The following MYLK3 variants were observed in gnomAD, a reference collection of about 807,000 sequenced individuals.
The protein encoded by MYLK3 is MLC kinase.
A neutral mutation model predicts 76.3 loss-of-function variants in MYLK3; 55 were observed. The observed-to-expected ratio is 0.72, with a 90% CI of 0.58 to 0.90. The LOEUF (loss-of-function observed/expected upper bound fraction) is 0.90, where lower values mean the gene tolerates loss of function less well. Among genes scored for constraint, MYLK3 ranks in the 40% least tolerant of loss-of-function variants. The pLI is 0.00. For synonymous variants in MYLK3, 416 were observed against 425.4 expected (o/e 0.98, Z 0.27); for missense variants, 973 against 1,053.6 (o/e 0.92, Z 1.06).
intron 2 of MYLK3, 80 bp downstream of exon 2, chr16:46,739,977 T>C: frequency 2.0e-6 from 2 of 998,394 alleles, no homozygotes; most frequent in Non-Finnish European, 3.1e-6. Context: ...GGAATCATAC[T>C]GTGGGCCGTG....
In MYLK3 at chr16:46,710,702, G is replaced by T. The variant is rs753941961; in HGVS notation, c.2202C>A (p.Asp734Glu). The T allele has an allele frequency of 1.9e-6, 3 of 1,614,152 alleles. No homozygotes were observed. The Admixed American group carries it at 5.0e-5, about 27-fold the overall frequency. The change falls in exon 11 of 13, where the codon GAC (aspartate) becomes GAA (glutamate). Residue 734 changes from aspartate (D) to glutamate (E), a missense_variant. Around this residue, in one of 2 missense-constraint regions of MYLK3, gnomAD observed 332 missense variants for 416.6 expected, o/e 0.80. Coordinates refer to ENST00000394809, the MANE Select transcript of MYLK3 (RefSeq NM_182493.3). ...CCTCCTCCGAGAGCCCTTCAAAGGT[G>T]TCAGCATCAAAATCCCAGCTACAGT... ...IVNCSWDFDA[D>E]TFEGLSEEAK...
intron 5 of MYLK3, 186 bp from the exon 6 acceptor site, chr16:46,729,873 C>G (rs1292679462): frequency 3.5e-5 from 22 of 619,804 alleles, no homozygotes; most frequent in Non-Finnish European, 6.1e-5. Flanking sequence ...CTCTTCACCC[C>G]ACACCACCCA....
chr16:46,731,326 G>C (rs1305436946), intron 4 of MYLK3, among the ~76,000 whole-genome samples: 1 of 152,216 alleles, frequency 6.6e-6, no homozygotes, highest in Non-Finnish European at 1.5e-5. Flanking sequence ...TTGTTTGTTT[G>C]TTTTTTAATG....
Position 46,732,337 on chromosome 16 carries a change from G to A in MYLK3, c.1333C>T (p.Leu445=), listed in dbSNP as rs1025252879. The part of the protein sequence containing the change: ...DNDHEVGALG[L]QQGKSPGAGN... Reference sequence around the variant, plus strand: ...GCCCCTGGGCTTTTGCCCTGCTGCAGGCCCAGGGCCCCAACCTCGTGGTCA... The same window carrying A: ...GCCCCTGGGCTTTTGCCCTGCTGCAAGCCCAGGGCCCCAACCTCGTGGTCA... Residue 445 remains leucine, a synonymous_variant, in exon 4 of 13, where the codon CTG becomes TTG. Coordinates refer to ENST00000394809, the MANE Select transcript of MYLK3 (RefSeq NM_182493.3). 1 of 1,613,042 alleles carries A rather than the reference G, an allele frequency of 6.2e-7. No homozygotes were observed. The highest frequency in any genetic ancestry group is 8.5e-7 in the Non-Finnish European group (1 of 1,180,022).
At chr16:46,726,686 AAAG>A (rs1464918553) in intron 8 of MYLK3, 5 of 141,442 alleles carry the variant, frequency 3.5e-5, no homozygotes, top group Admixed American at 7.1e-5. Flanking sequence ...AGAAAGAAAG[AAAG>A]AAAGAAAGAA....
At chr16:46,711,060 A>T (rs1966678386) in intron 10 of MYLK3, 3 of 448,510 alleles carry the variant, frequency 6.7e-6, no homozygotes, top group Middle Eastern at 6.4e-4. Flanking sequence ...TGAAGTAAAG[A>T]GTAAAATTAG....
intron 1 of MYLK3, among the ~76,000 whole-genome samples, chr16:46,755,894 T>G (rs1967192229): frequency 8.3e-6 from 1 of 119,960 alleles, no homozygotes; most frequent in African/African-American, 3.4e-5. Context: ...AGTTCTTTTT[T>G]CTTTTTTCTT....
At chr16:46,715,748 G>A (rs1966730695) in intron 9 of MYLK3, among the ~76,000 whole-genome samples, 1 of 152,202 alleles carries the variant, frequency 6.6e-6, no homozygotes, top group African/African-American at 2.4e-5. Flanking sequence ...CCTGATATCA[G>A]AGAATTGTAC....
chr16:46,714,847 C>G (rs1329043877), intron 9 of MYLK3, among the ~76,000 whole-genome samples: 4 of 152,182 alleles, frequency 2.6e-5, no homozygotes, highest in Non-Finnish European at 5.9e-5. Flanking sequence ...CCCAACTGTG[C>G]CCAGTCTAGA....
chr16:46,709,769 G>C, intron 11 of MYLK3, 98 bp from the exon 12 acceptor site: 1 of 1,340,690 alleles, frequency 7.5e-7, no homozygotes, highest in South Asian at 1.4e-5. Flanking sequence ...CAGTGGAACA[G>C]ATTAATCATT....
rs147815397 is a variant in MYLK3, at chr16:46,732,536, G to A, written c.1134C>T (p.Thr378=). 5.7e-5 allele frequency: 92 copies of A among 1,602,402 alleles called. No homozygotes were observed. The highest frequency in any genetic ancestry group is 7.1e-5 in the Non-Finnish European group (84 of 1,179,722). ...TCCCAGGGGCTTGGAGGCAGCGCCC[G>A]GTCCCAGGTGGGCCCTGCTTGCCTG... ...AQPGKQGPPG[T]GRCLQAPGTE... is the part of the protein sequence containing the mutation. The change falls in exon 4 of 13, where the codon ACC becomes ACT. Residue 378 remains threonine (T), a synonymous_variant. Coordinates refer to ENST00000394809, the MANE Select transcript of MYLK3 (RefSeq NM_182493.3).
chr16:46,729,186 G>A, intron 6 of MYLK3, 53 bp from the exon 7 acceptor site: 2 of 1,409,140 alleles, frequency 1.4e-6, no homozygotes, highest in Non-Finnish European at 1.0e-6. Flanking sequence ...TCAAGAAGAG[G>A]AGCCAGCTGA....
chr16:46,740,020 C>T, intron 2 of MYLK3, 37 bp downstream of exon 2: 1 of 1,478,296 alleles, frequency 6.8e-7, no homozygotes, highest in Non-Finnish European at 9.4e-7. Context: ...GCTGTTGTGT[C>T]TGCAATGTTA....
Position 46,706,329 on chromosome 16 carries a change from T to A in MYLK3, c.*1375A>T, listed in dbSNP as rs898614817. On this transcript the variant is annotated 3_prime_UTR_variant, in exon 13 of 13. Transcript: ENST00000394809. The stretch of plus-strand genomic sequence containing the variant: ...TTTTTTTTGAGACGGAGTCTTGCTC[T>A]GTTGCCTAGGCTGGAGTGCAGTGGT... 2 of 150,620 alleles carry A rather than the reference T, an allele frequency of 1.3e-5. No homozygotes were observed. Among genetic ancestry groups the A allele is most frequent in the Non-Finnish European group, 2.9e-5 (2 of 67,858 alleles). 9.3% of individuals were successfully genotyped at this position (150,620 alleles called of 1,614,324 possible).
intron 1 of MYLK3, among the ~76,000 whole-genome samples, chr16:46,740,970 CA>C (rs1966922021): frequency 6.6e-6 from 1 of 152,208 alleles, no homozygotes; most frequent in Admixed American, 6.5e-5. Context: ...GTGCCAAGGT[CA>C]ATTAGTAATG....
At chr16:46,728,343 T>A (rs147834770) in intron 7 of MYLK3, among the ~76,000 whole-genome samples, 7 of 152,092 alleles carry the variant, frequency 4.6e-5, no homozygotes, top group Non-Finnish European at 1.0e-4. Context: ...ATTTACTACA[T>A]CTTTTATGTT....
intron 1 of MYLK3, among the ~76,000 whole-genome samples, chr16:46,741,058 T>C (rs1461189858): frequency 6.6e-6 from 1 of 152,234 alleles, no homozygotes; most frequent in Non-Finnish European, 1.5e-5. Context: ...GCATGGACTC[T>C]GGAGCCAGCC....
At chr16:46,758,304 A>ACACACACTCTCT (rs1567294867) in intron 1 of MYLK3, among the ~76,000 whole-genome samples, 2 of 87,302 alleles carry the variant, frequency 2.3e-5, no homozygotes, top group African/African-American at 9.4e-5. Context: ...ACACACACAC[A>ACACACACTCTCT]CTCTCTCTCT....
chr16:46,742,466 AC>A (rs1243011247), intron 1 of MYLK3, among the ~76,000 whole-genome samples: 3 of 151,270 alleles, frequency 2.0e-5, no homozygotes, highest in African/African-American at 7.3e-5. Flanking sequence ...ACACACACAC[AC>A]ACACACACAC....
Sources: gnomAD v4.1 joint callset for allele counts (sites outside exome capture counted in the v4.1 genomes callset) on GRCh38, gnomAD v4.1.1 for gene constraint, gnomAD v4.1.1 regional missense constraint, MANE v1.5 for transcripts, NCBI Gene and HGNC (gene_info 2026-07-23, HGNC 2026-07-21) for gene names.